Variants in GNPTAB observed in about 807,000 individuals in gnomAD.
GNPTAB encodes the protein N-acetylglucosamine-1-phosphate transferase subunits alpha and beta.
Under a neutral mutation model 136.6 loss-of-function variants are expected in GNPTAB, and 92 were observed. The ratio of observed to expected loss-of-function variants is 0.67; its 90% CI spans 0.57 to 0.80. The LOEUF is 0.80. GNPTAB is among the 30% of genes least tolerant of loss of function. The pLI is 0.00. For missense variants in GNPTAB, 1,343 were observed against 1,501.8 expected (o/e 0.89, Z 1.75); for synonymous variants, 512 against 535.1 (o/e 0.96, Z 0.60).
At chr12:101,758,974 G>T (rs572860537) in intron 16 of GNPTAB, among the ~76,000 whole-genome samples, 11 of 152,268 alleles carry the variant, frequency 7.2e-5, no homozygotes, top group African/African-American at 2.6e-4. Context: ...GTCTTTTGGG[G>T]TATGTGTGTT....
At chr12:101,749,704 T>G (rs1952787748) in intron 19 of GNPTAB, among the ~76,000 whole-genome samples, 2 of 152,216 alleles carry the variant, frequency 1.3e-5, no homozygotes, top group South Asian at 4.1e-4. Context: ...ACAGAGATGG[T>G]GGCATTTCCT....
At chr12:101,791,428 A>T (rs967379019) in intron 2 of GNPTAB, among the ~76,000 whole-genome samples, 1 of 151,918 alleles carries the variant, frequency 6.6e-6, no homozygotes, top group Non-Finnish European at 1.5e-5. Flanking sequence ...GCCACACATA[A>T]AATACACTAA....
chr12:101,804,149 G>C (rs765982163), intron 1 of GNPTAB, among the ~76,000 whole-genome samples: 1 of 152,078 alleles, frequency 6.6e-6, no homozygotes, highest in African/African-American at 2.4e-5. Context: ...AGGAGCCGGA[G>C]GTTGCGGTGA....
chr12:101,753,573 A>G (rs1461977779), intron 18 of GNPTAB, 34 bp from the exon 19 acceptor site: 1 of 1,557,454 alleles, frequency 6.4e-7, no homozygotes, highest in Non-Finnish European at 8.9e-7. Flanking sequence ...TATTAGTTAC[A>G]TATGGATAAT....
chr12:101,810,432 T>TAC (rs71438442), intron 1 of GNPTAB: 3,516 of 107,448 alleles, frequency 0.033, 75 homozygotes, highest in Middle Eastern at 0.049. Flanking sequence ...TACACACACA[T>TAC]ACACACACAC....
intron 1 of GNPTAB, among the ~76,000 whole-genome samples, chr12:101,815,348 T>C (rs185989821): frequency 6.6e-6 from 1 of 152,298 alleles, no homozygotes; most frequent in Non-Finnish European, 1.5e-5. Context: ...CCATAACAGC[T>C]CACTGTTAAA....
chr12:101,804,292 C>T (rs1869813781), intron 1 of GNPTAB, among the ~76,000 whole-genome samples: 1 of 146,356 alleles, frequency 6.8e-6, no homozygotes, highest in Non-Finnish European at 1.5e-5. Context: ...TAAAAGAAAA[C>T]AAAAAGAACC....
At chr12:101,803,409 T>G (rs1307290515) in intron 1 of GNPTAB, among the ~76,000 whole-genome samples, 1 of 152,188 alleles carries the variant, frequency 6.6e-6, no homozygotes, top group African/African-American at 2.4e-5. Context: ...CACATTCGAT[T>G]AAAGACACCC....
chr12:101,808,536 C>T (rs7133458), intron 1 of GNPTAB, among the ~76,000 whole-genome samples: 21,508 of 151,742 alleles, frequency 0.14, 1,610 homozygotes, highest in South Asian at 0.22. Flanking sequence ...AGCAAGACTC[C>T]GTCTCCAAAA....
chr12:101,810,453 A>ACG (rs1870168415), intron 1 of GNPTAB: 1 of 145,910 alleles, frequency 6.9e-6, no homozygotes, highest in African/African-American at 2.6e-5. Flanking sequence ...ACACACACAC[A>ACG]CACACACACA....
At chr12:101,814,901 G>A (rs188624079) in intron 1 of GNPTAB, among the ~76,000 whole-genome samples, 9 of 152,176 alleles carry the variant, frequency 5.9e-5, no homozygotes, top group African/African-American at 1.7e-4. Context: ...TGTAGGCCTC[G>A]AGAAAACTCC....
chr12:101,773,630 AG>A (rs2137128543), intron 7 of GNPTAB: 1 of 153,430 alleles, frequency 6.5e-6, no homozygotes, highest in East Asian at 1.9e-4. Context: ...GAGCAAGAAG[AG>A]GTTTGTCTAT....
chr12:101,761,832 T>C, intron 13 of GNPTAB, 69 bp from the exon 14 acceptor site: 1 of 1,138,354 alleles, frequency 8.8e-7, no homozygotes, highest in Non-Finnish European at 1.3e-6. Flanking sequence ...TTACAAGACA[T>C]TTTATATAAT....
Position 101,770,465 on chromosome 12 carries a change from C to G in GNPTAB, c.1054G>C (p.Gly352Arg). 6.2e-7 allele frequency: 1 copy of G among 1,613,738 alleles called. No homozygotes were observed. The highest frequency in any genetic ancestry group is 8.5e-7 in the Non-Finnish European group (1 of 1,179,672). Residue 352 changes from glycine (G) to arginine (R), a missense_variant, in exon 9 of 21, where the codon GGG becomes CGG. By Grantham distance (125) the Gly-to-Arg change is moderately radical. Transcript: ENST00000299314. ...WVRNIFIVTNGQIPSWLNLDN... is the reference protein window; with the variant it reads ...WVRNIFIVTNRQIPSWLNLDN... ...AGGTTCAGCCAGGATGGAATCTGCC[C>G]GTTGGTGACAATGAAAATATTCCGA...
rs1489654626 is a variant in GNPTAB, at chr12:101,805,925, A to G, written c.118-9163T>C. On this transcript the variant is annotated intron_variant, in intron 1 of 20. Coordinates refer to ENST00000299314, the MANE Select transcript of GNPTAB (RefSeq NM_024312.5). ...AAACGAAATATCTAATGTTTAGATC[A>G]TTAAACATGATTTAAAAATTAAACA... Among the ~76,000 whole-genome samples, 4 of 152,244 alleles carry G rather than the reference A, an allele frequency of 2.6e-5. No homozygotes were observed. The South Asian group carries it at 8.3e-4, about 31-fold the overall frequency.
chr12:101,756,555 C>CA (rs1174143404), intron 18 of GNPTAB: 1 of 322,552 alleles, frequency 3.1e-6, no homozygotes, highest in Non-Finnish European at 6.2e-6. Context: ...GCTTGGACAA[C>CA]AGAGTGAGAT....
At chr12:101,785,069 G>A (rs1868556132) in intron 5 of GNPTAB, among the ~76,000 whole-genome samples, 2 of 152,184 alleles carry the variant, frequency 1.3e-5, no homozygotes, top group South Asian at 4.1e-4. Context: ...ATAAATAACA[G>A]AAATCTGTTT....
intron 1 of GNPTAB, among the ~76,000 whole-genome samples, chr12:101,821,526 T>C (rs767969292): frequency 6.6e-6 from 1 of 152,200 alleles, no homozygotes; most frequent in Non-Finnish European, 1.5e-5. Flanking sequence ...AAGTGAAGTG[T>C]TGGGCCAAGA....
chr12:101,761,356 TATAAC>T lies in GNPTAB; in HGVS notation c.2916-15_2916-11del, dbSNP rs558918332. On this transcript the variant is annotated splice_polypyrimidine_tract_variant and intron_variant, in intron 14 of 20. Transcript: ENST00000299314. ...AAATTCTTCAGGGAACCTGTCCAAA[TATAAC>T]ATATTACAAACTCTGGATATTCAAA... 18 of 1,609,620 alleles carry T rather than the reference TATAAC, an allele frequency of 1.1e-5. No homozygotes were observed. In the South Asian group the frequency reaches 1.9e-4, roughly 17 times the overall value.
Sources: gnomAD v4.1 joint callset for allele counts (sites outside exome capture counted in the v4.1 genomes callset) on GRCh38, gnomAD v4.1.1 for gene constraint, MANE v1.5 for transcripts, NCBI Gene and HGNC (gene_info 2026-07-23, HGNC 2026-07-21) for gene names.